SLC16A2: variants seen among roughly 807,000 people sequenced by gnomAD.
SLC16A2 encodes monocarboxylate transporter 8.
A neutral mutation model predicts 27.2 loss-of-function variants in SLC16A2; 3 were observed. The ratio of observed to expected loss-of-function variants is 0.11; its 90% CI spans 0.05 to 0.28. The LOEUF (loss-of-function observed/expected upper bound fraction) is 0.28, where lower values mean the gene tolerates loss of function less well. Ranked by LOEUF, SLC16A2 falls within the 10% of genes least tolerant of loss-of-function variation. The pLI, the probability that SLC16A2 is intolerant of heterozygous loss-of-function variation, is 1.00. For synonymous variants in SLC16A2, 202 were observed against 187.8 expected, an observed-to-expected ratio of 1.08 and a Z score of -0.62; for missense variants, 295 against 458.5, an observed-to-expected ratio of 0.64 and a Z score of 3.26.
At chrX:74,462,727 G>A (rs1296063407) in intron 1 of SLC16A2, among the ~76,000 whole-genome samples, 1 of 112,066 alleles carries the variant, frequency 8.9e-6, no homozygotes, top group Non-Finnish European at 1.9e-5. Context: ...AGCCCTGGGA[G>A]ACCATGACCA....
intron 1 of SLC16A2, among the ~76,000 whole-genome samples, chrX:74,433,530 C>A (rs1569283525): frequency 1.8e-5 from 2 of 111,044 alleles, no homozygotes; most frequent in Non-Finnish European, 3.8e-5. Context: ...GTCTAGTGAT[C>A]CCCAATGTCG....
chrX:74,468,148 AT>A (rs1929287882), intron 1 of SLC16A2, among the ~76,000 whole-genome samples: 1 of 111,970 alleles, frequency 8.9e-6, no homozygotes, highest in South Asian at 3.7e-4. Context: ...AAAGTACACA[AT>A]TCAATGGTTT....
intron 2 of SLC16A2, among the ~76,000 whole-genome samples, chrX:74,522,944 C>T (rs1930430767): frequency 8.9e-6 from 1 of 111,847 alleles, no homozygotes; most frequent in Non-Finnish European, 1.9e-5. Context: ...GGGCAGGATG[C>T]AGGCAGGGCT....
chrX:74,523,778 A>T (rs1930446717), intron 2 of SLC16A2, among the ~76,000 whole-genome samples: 1 of 112,091 alleles, frequency 8.9e-6, no homozygotes, highest in Non-Finnish European at 1.9e-5. Context: ...GGGACTTGGG[A>T]TATGTGGACC....
intron 1 of SLC16A2, among the ~76,000 whole-genome samples, chrX:74,426,167 G>A (rs1387695237): frequency 1.8e-5 from 2 of 111,818 alleles, no homozygotes; most frequent in Admixed American, 9.5e-5. Flanking sequence ...GACTTTGGGA[G>A]CAAAGTGTAT....
chrX:74,501,359 C>A (rs1483067263), intron 1 of SLC16A2, among the ~76,000 whole-genome samples: 1 of 111,204 alleles, frequency 9.0e-6, no homozygotes, highest in East Asian at 2.8e-4. Flanking sequence ...CCCCAATGGA[C>A]ATGCTATTTA....
At chrX:74,493,208 A>G (rs6647493) in intron 1 of SLC16A2, among the ~76,000 whole-genome samples, 34,213 of 111,166 alleles carry the variant, frequency 0.31, 5,004 homozygotes, top group East Asian at 0.86. Context: ...ACTTCAGTCT[A>G]GCCTGGTGGG....
chrX:74,436,269 G>A (rs1282090249), intron 1 of SLC16A2, among the ~76,000 whole-genome samples: 1 of 111,759 alleles, frequency 8.9e-6, no homozygotes, highest in Non-Finnish European at 1.9e-5. Flanking sequence ...TGTTTGGTGG[G>A]ACAGATTGTA....
chrX:74,430,799 T>G (rs1211794793), intron 1 of SLC16A2, among the ~76,000 whole-genome samples: 1 of 112,609 alleles, frequency 8.9e-6, no homozygotes, highest in Non-Finnish European at 1.9e-5. Context: ...TGGAGTGCAG[T>G]GGCACGATCT....
At chrX:74,518,405 C>T (rs1411008694) in intron 1 of SLC16A2, among the ~76,000 whole-genome samples, 1 of 111,053 alleles carries the variant, frequency 9.0e-6, no homozygotes, top group African/African-American at 3.3e-5. Flanking sequence ...ACCAGCCTGG[C>T]CATCGTGGTG....
intron 1 of SLC16A2, among the ~76,000 whole-genome samples, chrX:74,480,814 A>G (rs1288682835): frequency 3.6e-5 from 4 of 112,372 alleles, no homozygotes; most frequent in African/African-American, 9.7e-5. Flanking sequence ...CTTGTTGTTT[A>G]TCTTACAGGG....
chrX:74,453,835 C>T (rs887997098), intron 1 of SLC16A2, among the ~76,000 whole-genome samples: 3 of 111,537 alleles, frequency 2.7e-5, no homozygotes, highest in Admixed American at 9.5e-5. Flanking sequence ...TGGGACCACA[C>T]GCGTGTGCCA....
intron 1 of SLC16A2, among the ~76,000 whole-genome samples, chrX:74,455,917 C>T (rs1929035279): frequency 8.9e-6 from 1 of 111,871 alleles, no homozygotes; most frequent in Non-Finnish European, 1.9e-5. Flanking sequence ...ATCAGATTAA[C>T]CAGCTGACCT....
chrX:74,474,243 C>T (rs4892510), intron 1 of SLC16A2, among the ~76,000 whole-genome samples: 34,050 of 110,342 alleles, frequency 0.31, 5,009 homozygotes, highest in East Asian at 0.86. Flanking sequence ...TAATTTCCTC[C>T]GACAATATTT....
chrX:74,425,947 A>G (rs947952622), intron 1 of SLC16A2, among the ~76,000 whole-genome samples: 1 of 111,798 alleles, frequency 8.9e-6, no homozygotes, highest in Non-Finnish European at 1.9e-5. Flanking sequence ...AAGGTTCACT[A>G]CTAGGCACAA....
chrX:74,495,312 G>T (rs1446433377), intron 1 of SLC16A2, among the ~76,000 whole-genome samples: 1 of 110,960 alleles, frequency 9.0e-6, no homozygotes, highest in East Asian at 2.8e-4. Context: ...TGTCCCTCTT[G>T]TCCTCAGCAG....
intron 1 of SLC16A2, among the ~76,000 whole-genome samples, chrX:74,451,078 C>T (rs1234872019): frequency 9.0e-6 from 1 of 111,488 alleles, no homozygotes; most frequent in African/African-American, 3.3e-5. Context: ...ACTTTAAACA[C>T]TTTTTAAAAA....
chrX:74,427,236 A>G (rs1314247747), intron 1 of SLC16A2, among the ~76,000 whole-genome samples: 1 of 112,276 alleles, frequency 8.9e-6, no homozygotes, highest in East Asian at 2.8e-4. Flanking sequence ...TCCAGCTAGC[A>G]GAGGAAACGG....
intron 2 of SLC16A2, among the ~76,000 whole-genome samples, chrX:74,523,365 A>C (rs1242220713): frequency 2.7e-5 from 3 of 112,777 alleles, no homozygotes; most frequent in Non-Finnish European, 3.7e-5. Flanking sequence ...TCTCCAGAGA[A>C]GAACTGCCTG....
Sources: allele counts gnomAD v4.1 joint callset (sites outside exome capture counted in the v4.1 genomes callset), GRCh38; gene constraint gnomAD v4.1.1; transcripts MANE v1.5; gene names NCBI Gene and HGNC (gene_info 2026-07-23, HGNC 2026-07-21).